CDH18: variants seen among roughly 807,000 people sequenced by gnomAD.
The protein encoded by CDH18 is cadherin-18.
In CDH18, 31 loss-of-function variants were observed where a neutral mutation model predicts 67.9. The ratio of observed to expected loss-of-function variants is 0.46; its 90% CI spans 0.34 to 0.62. The LOEUF (loss-of-function observed/expected upper bound fraction) is 0.62, where lower values mean the gene tolerates loss of function less well. CDH18 is among the 20% of genes least tolerant of loss of function. The probability of loss-of-function intolerance (pLI) is 0.01; values close to 1 mark genes in which losing one functional copy is unlikely to be tolerated. For missense variants in CDH18, 890 were observed against 975.5 expected (o/e 0.91, Z 1.17); for synonymous variants, 362 against 347.2 (o/e 1.04, Z -0.48).
chr5:20,031,382 A>ATGC (rs1417230462), intron 2 of CDH18, among the ~76,000 whole-genome samples: 1 of 152,108 alleles, frequency 6.6e-6, no homozygotes, highest in African/African-American at 2.4e-5. Flanking sequence ...AGTCCTGAGT[A>ATGC]TAATGTTCGG....
chr5:20,003,833 C>G (rs1440763119), intron 2 of CDH18, among the ~76,000 whole-genome samples: 1 of 152,152 alleles, frequency 6.6e-6, no homozygotes, highest in African/African-American at 2.4e-5. Context: ...GGAGGTGGAG[C>G]TTGCAGTGAG....
At chr5:20,529,729 G>A (rs778371327) in intron 1 of CDH18, among the ~76,000 whole-genome samples, 1 of 151,898 alleles carries the variant, frequency 6.6e-6, no homozygotes, top group Non-Finnish European at 1.5e-5. Context: ...GGTATTGAAG[G>A]AACATACTGC....
At chr5:19,721,047 GC>G in intron 5 of CDH18, among the ~76,000 whole-genome samples, 1 of 152,220 alleles carries the variant, frequency 6.6e-6, no homozygotes, top group East Asian at 1.9e-4. Flanking sequence ...TTTGTAATAT[GC>G]CATATTTGTT....
At chr5:20,096,117 T>C (rs184500956) in intron 2 of CDH18, among the ~76,000 whole-genome samples, 1 of 152,172 alleles carries the variant, frequency 6.6e-6, no homozygotes. Context: ...TGCAAAACTT[T>C]TCAAGAACAT....
chr5:19,838,720 C>CT, intron 3 of CDH18, 39 bp downstream of exon 3: 1 of 1,405,202 alleles, frequency 7.1e-7, no homozygotes, highest in Non-Finnish European at 1.0e-6. Context: ...CCCACAATTT[C>CT]TCAGGATAGA....
chr5:20,029,699 CAGA>C (rs1369081045), intron 2 of CDH18, among the ~76,000 whole-genome samples: 4 of 152,142 alleles, frequency 2.6e-5, no homozygotes, highest in African/African-American at 9.7e-5. Flanking sequence ...TTGCAGAATT[CAGA>C]AGGATATCTT....
chr5:19,674,502 G>C (rs531852141), intron 5 of CDH18, among the ~76,000 whole-genome samples: 2 of 151,994 alleles, frequency 1.3e-5, no homozygotes, highest in East Asian at 3.9e-4. Context: ...GTACCTGCTT[G>C]TCTTAATATT....
chr5:19,746,898 T>G (rs755975907), intron 4 of CDH18, 44 bp downstream of exon 4: 3 of 1,535,358 alleles, frequency 2.0e-6, no homozygotes, highest in Non-Finnish European at 2.7e-6. Flanking sequence ...TTTTTGATTT[T>G]CTTAATATGT....
chr5:20,139,066 T>C (rs1013014257), intron 2 of CDH18, among the ~76,000 whole-genome samples: 2 of 152,080 alleles, frequency 1.3e-5, no homozygotes, highest in Non-Finnish European at 2.9e-5. Flanking sequence ...CTTCAAACTA[T>C]ACTACAAGGC....
chr5:20,305,595 T>G, intron 1 of CDH18: 1 of 479,082 alleles, frequency 2.1e-6, no homozygotes, highest in Non-Finnish European at 3.8e-6. Flanking sequence ...GCTGCGGGCC[T>G]CAGAGGACTT....
chr5:20,134,454 T>C (rs1749529596), intron 2 of CDH18, among the ~76,000 whole-genome samples: 1 of 152,182 alleles, frequency 6.6e-6, no homozygotes, highest in African/African-American at 2.4e-5. Context: ...TTTTAATTTC[T>C]AGCATTTTAT....
At chr5:20,054,547 A>G (rs772080141) in intron 2 of CDH18, among the ~76,000 whole-genome samples, 4 of 152,110 alleles carry the variant, frequency 2.6e-5, no homozygotes, top group African/African-American at 9.7e-5. Context: ...CATTCTACCA[A>G]TTGAAGGTCT....
rs1455459229 is a variant in CDH18 at position 19,747,247 on chromosome 5, C to T, written c.229-11G>A. The T allele has an allele frequency of 1.2e-6, 2 of 1,603,552 alleles. No homozygotes were observed. Among genetic ancestry groups the T allele is most frequent in the African/African-American group, 1.3e-5 (1 of 74,626 alleles). On this transcript the variant is annotated splice_polypyrimidine_tract_variant and intron_variant, in intron 3 of 12. Transcript: ENST00000382275. ...AGAATTGGAGTGCAGCTGTGAAATA[C>T]ACATGGAATAATTTAGCATATATTT...
rs927451598 is a variant in CDH18, at chr5:20,516,951, G to A, written c.-580+58511C>T. Among the ~76,000 whole-genome samples, 9 of 152,002 alleles carry A rather than the reference G, an allele frequency of 5.9e-5. No individual in the cohort carries two copies. In the East Asian group the frequency reaches 1.7e-3, roughly 30 times the overall value. On this transcript the variant is annotated intron_variant, in intron 1 of 14. Transcript: ENST00000507958. Reference sequence around the variant, plus strand: ...TAGAGTCCATCAAATAGAATCTAGTGCAATACTTAGATCTTGCATACAGTA... The same window carrying A: ...TAGAGTCCATCAAATAGAATCTAGTACAATACTTAGATCTTGCATACAGTA...
intron 3 of CDH18, among the ~76,000 whole-genome samples, chr5:19,822,349 CAAT>C (rs1581507984): frequency 6.6e-6 from 1 of 152,062 alleles, no homozygotes; most frequent in East Asian, 1.9e-4. Flanking sequence ...AAACCAACAA[CAAT>C]AAGAAAGGAC....
chr5:19,791,501 A>C (rs1776357351), intron 3 of CDH18, among the ~76,000 whole-genome samples: 1 of 152,172 alleles, frequency 6.6e-6, no homozygotes, highest in African/African-American at 2.4e-5. Flanking sequence ...GTATTATGTA[A>C]GGATATGTTA....
chr5:20,396,043 G>T (rs529570467), intron 1 of CDH18, among the ~76,000 whole-genome samples: 2 of 152,226 alleles, frequency 1.3e-5, no homozygotes, highest in East Asian at 3.9e-4. Flanking sequence ...TATAAATAAG[G>T]CGTTTTCCTA....
chr5:20,406,003 A>G (rs4866184), intron 1 of CDH18, among the ~76,000 whole-genome samples: 16,151 of 152,168 alleles, frequency 0.11, 1,063 homozygotes, highest in East Asian at 0.25. Context: ...AACGAGTTCA[A>G]CCATTGTGGA....
At chr5:19,841,956 C>T (rs1782366060) in intron 2 of CDH18, among the ~76,000 whole-genome samples, 1 of 152,086 alleles carries the variant, frequency 6.6e-6, no homozygotes, top group Non-Finnish European at 1.5e-5. Flanking sequence ...CACTACAGCG[C>T]TTATGGAGAT....
Sources: gnomAD v4.1 joint callset for allele counts (sites outside exome capture counted in the v4.1 genomes callset) on GRCh38, gnomAD v4.1.1 for gene constraint, MANE v1.5 for transcripts, NCBI Gene and HGNC (gene_info 2026-07-23, HGNC 2026-07-21) for gene names.